The following RIMS1 variants were observed in gnomAD, a reference collection of about 807,000 sequenced individuals.
RIMS1 encodes regulating synaptic membrane exocytosis 1.
Under a neutral mutation model 214.1 loss-of-function variants are expected in RIMS1, and 83 were observed. That is an observed-to-expected ratio of 0.39 (90% CI 0.32 to 0.47). The LOEUF (loss-of-function observed/expected upper bound fraction) is 0.47. RIMS1 is among the 20% of genes least tolerant of loss of function. The pLI is 0.99. For synonymous variants in RIMS1, 793 were observed against 786.8 expected, an observed-to-expected ratio of 1.01 and a Z score of -0.13; for missense variants, 2,050 against 2,161.8, an observed-to-expected ratio of 0.95 and a Z score of 1.03.
intron 9 of RIMS1, among the ~76,000 whole-genome samples, chr6:72,239,780 G>A (rs768135637): frequency 7.2e-5 from 11 of 152,114 alleles, no homozygotes; most frequent in African/African-American, 1.2e-4. Context: ...TCAAAGCTCT[G>A]TAGCCTTGTC....
At chr6:72,212,818 G>A in intron 6 of RIMS1, 5 of 1,053,236 alleles carry the variant, frequency 4.7e-6, no homozygotes, top group Non-Finnish European at 5.7e-6. Flanking sequence ...CTCAGTAAAT[G>A]CTACCAGTCC....
At chr6:72,129,414 G>A (rs2040101744) in intron 4 of RIMS1, among the ~76,000 whole-genome samples, 1 of 152,078 alleles carries the variant, frequency 6.6e-6, no homozygotes, top group Non-Finnish European at 1.5e-5. Flanking sequence ...GGTCTGAGTT[G>A]CAGTCCTGTC....
At chr6:72,320,814 T>G (rs1337711705) in intron 28 of RIMS1, among the ~76,000 whole-genome samples, 1 of 152,064 alleles carries the variant, frequency 6.6e-6, no homozygotes, top group African/African-American at 2.4e-5. Context: ...TACTTCAGCT[T>G]GTACAGTTAA....
intron 4 of RIMS1, among the ~76,000 whole-genome samples, chr6:72,102,166 C>A (rs1320359460): frequency 6.6e-6 from 1 of 151,894 alleles, no homozygotes. Flanking sequence ...TGCTGCTAAG[C>A]CAACTGAATT....
At chr6:72,397,382 A>G (rs2098791506) in intron 31 of RIMS1, among the ~76,000 whole-genome samples, 1 of 152,210 alleles carries the variant, frequency 6.6e-6, no homozygotes, top group Admixed American at 6.5e-5. Flanking sequence ...TATCGTTTTA[A>G]CCAGATTGGC....
intron 4 of RIMS1, among the ~76,000 whole-genome samples, chr6:72,148,774 G>C (rs1307929893): frequency 6.6e-6 from 1 of 151,898 alleles, no homozygotes; most frequent in South Asian, 2.1e-4. Flanking sequence ...GGACAAAAAG[G>C]TGCCTCAGTA....
In RIMS1 at chr6:72,398,270, A is replaced by G; in HGVS notation, c.4640A>G (p.Glu1547Gly). The G allele has an allele frequency of 6.2e-7, 1 of 1,607,068 alleles. No homozygotes were observed. The highest frequency in any genetic ancestry group is 8.5e-7 in the Non-Finnish European group (1 of 1,176,420). The change falls in exon 32 of 34, where the codon GAG becomes GGG. Residue 1547 changes from glutamate to glycine, a missense_variant. Physicochemically the swap from Glu to Gly is moderately conservative, Grantham distance 98. Transcript: ENST00000521978. ...GCAGGTGATATACAAATAGGAATGG[A>G]GGACAAAAAGGGCCAATTAGAAGTG... is the stretch of plus-strand genomic sequence containing the variant. ...PAMGDIQIGM[E>G]DKKGQLEVEV...
chr6:71,909,823 T>C (rs1220872355), intron 1 of RIMS1, among the ~76,000 whole-genome samples: 1 of 152,142 alleles, frequency 6.6e-6, no homozygotes, highest in African/African-American at 2.4e-5. Flanking sequence ...TAAAGTAGAC[T>C]CTGCCTTTTA....
chr6:72,238,274 A>G (rs2065129013), intron 9 of RIMS1, among the ~76,000 whole-genome samples: 1 of 152,068 alleles, frequency 6.6e-6, no homozygotes, highest in Non-Finnish European at 1.5e-5. Flanking sequence ...TCTTTGAGAA[A>G]AAAATCTTAT....
At chr6:72,119,529 A>C (rs1039924205) in intron 4 of RIMS1, among the ~76,000 whole-genome samples, 2 of 151,876 alleles carry the variant, frequency 1.3e-5, no homozygotes, top group Non-Finnish European at 2.9e-5. Context: ...ATCTGGAAGC[A>C]TCACATTACC....
chr6:72,361,253 A>T (rs1259787514), intron 29 of RIMS1, among the ~76,000 whole-genome samples: 3 of 151,204 alleles, frequency 2.0e-5, no homozygotes, highest in Admixed American at 2.0e-4. Context: ...TTACAGGCAC[A>T]TGCCGCCACG....
At chr6:72,302,810 A>G (rs2094763947) in intron 26 of RIMS1, among the ~76,000 whole-genome samples, 1 of 151,488 alleles carries the variant, frequency 6.6e-6, no homozygotes, top group Non-Finnish European at 1.5e-5. Flanking sequence ...GTTAAAAAAT[A>G]ATTTTTACAT....
At chr6:72,175,816 C>T (rs1210903222) in intron 4 of RIMS1, among the ~76,000 whole-genome samples, 1 of 152,018 alleles carries the variant, frequency 6.6e-6, no homozygotes, top group Admixed American at 6.6e-5. Flanking sequence ...ACTTGAATAC[C>T]TTTTTAGTTT....
rs1488781459 is a variant in RIMS1, at chr6:72,279,225, CCT to C, written c.3482+4796_3482+4797del. Among the ~76,000 whole-genome samples the C allele has an allele frequency of 9.2e-5, 14 of 151,960 alleles. No homozygotes were observed. In the East Asian group the frequency reaches 2.5e-3, roughly 27 times the overall value. On this transcript the variant is annotated intron_variant, in intron 23 of 33. Transcript: ENST00000521978. The stretch of plus-strand genomic sequence containing the variant: ...GAAAACACATAGATTTTAACAATTA[CCT>C]CTGTTTTTCATCAGTTCATTTTATA...
At chr6:71,904,560 C>T (rs747964527) in intron 1 of RIMS1, among the ~76,000 whole-genome samples, 1 of 152,034 alleles carries the variant, frequency 6.6e-6, no homozygotes, top group Non-Finnish European at 1.5e-5. Context: ...AGGAGTAAGA[C>T]CCCAGCCTCG....
chr6:71,964,303 G>T (rs72929558), intron 1 of RIMS1, among the ~76,000 whole-genome samples: 8,176 of 152,220 alleles, frequency 0.054, 314 homozygotes, highest in Non-Finnish European at 0.079. Flanking sequence ...AAGGACTCTG[G>T]CACTTCCTTG....
chr6:72,400,408 G>T, intron 33 of RIMS1, 88 bp from the exon 34 acceptor site: 1 of 1,078,546 alleles, frequency 9.3e-7, no homozygotes. Context: ...TCACTGACTG[G>T]CCCACTTTTA....
chr6:71,992,692 G>T (rs1198378051), intron 2 of RIMS1, among the ~76,000 whole-genome samples: 3 of 149,260 alleles, frequency 2.0e-5, no homozygotes, highest in African/African-American at 4.9e-5. Flanking sequence ...TTACTCTGTT[G>T]CCCAGTAGGG....
In RIMS1 at chr6:71,893,483, G is replaced by C. The variant is rs897124417; in HGVS notation, c.164+6296G>C. On this transcript the variant is annotated intron_variant, in intron 1 of 33. Coordinates refer to ENST00000521978, the MANE Select transcript of RIMS1 (RefSeq NM_014989.7). ...CTCATCTTTTACAGAAAAAAATTTG[G>C]AGAAATACAGTAATAATTTTAGTGT... Among the ~76,000 whole-genome samples, 6 of 152,160 alleles carry C rather than the reference G, an allele frequency of 3.9e-5. No homozygotes were observed. The South Asian group carries it at 1.2e-3, about 32-fold the overall frequency.
Sources: allele counts gnomAD v4.1 joint callset (sites outside exome capture counted in the v4.1 genomes callset), GRCh38; gene constraint gnomAD v4.1.1; transcripts MANE v1.5; gene names NCBI Gene and HGNC (gene_info 2026-07-23, HGNC 2026-07-21).